CAMKMT: variants seen among roughly 807,000 people sequenced by gnomAD.
CAMKMT encodes the protein CaM KMT.
CAMKMT carries 53 observed loss-of-function variants against 48.0 expected under a neutral mutation model. The ratio of observed to expected loss-of-function variants is 1.10; its 90% CI spans 0.89 to 1.39. CAMKMT has a LOEUF of 1.39. Among genes scored for constraint, CAMKMT ranks in the 40% most tolerant of loss-of-function variants. The probability of loss-of-function intolerance (pLI) is 0.00; values close to 1 mark genes in which losing one functional copy is unlikely to be tolerated. For missense variants in CAMKMT, 428 were observed against 402.7 expected (o/e 1.06, Z -0.54); for synonymous variants, 165 against 152.3 (o/e 1.08, Z -0.61).
chr2:44,480,551 T>C (rs922240572), intron 3 of CAMKMT, among the ~76,000 whole-genome samples: 1 of 152,198 alleles, frequency 6.6e-6, no homozygotes, highest in Non-Finnish European at 1.5e-5. Context: ...TTGCTCAAAT[T>C]AATTATCCAG....
intron 3 of CAMKMT, among the ~76,000 whole-genome samples, chr2:44,437,950 GT>G (rs944048772): frequency 6.7e-6 from 1 of 150,190 alleles, no homozygotes; most frequent in African/African-American, 2.4e-5. Context: ...AGTAATGTGT[GT>G]TTTTTTTTCC....
intron 3 of CAMKMT, among the ~76,000 whole-genome samples, chr2:44,631,200 G>A (rs1396331049): frequency 6.6e-6 from 1 of 152,084 alleles, no homozygotes; most frequent in Non-Finnish European, 1.5e-5. Flanking sequence ...TGAACAGTGA[G>A]ACCACATGGA....
intron 3 of CAMKMT, among the ~76,000 whole-genome samples, chr2:44,662,550 A>G (rs935121334): frequency 3.0e-4 from 45 of 152,156 alleles, no homozygotes; most frequent in African/African-American, 1.0e-3. Flanking sequence ...TTCACAAGAA[A>G]GTGTTCTTTT....
At chr2:44,457,199 C>G (rs1314867723) in intron 3 of CAMKMT, 1 of 152,082 alleles carries the variant, frequency 6.6e-6, no homozygotes, top group Admixed American at 6.5e-5. Context: ...CTTTTGTATT[C>G]TTCCAGAGTT....
At chr2:44,739,904 G>A (rs1173038894) in intron 7 of CAMKMT, among the ~76,000 whole-genome samples, 3 of 152,142 alleles carry the variant, frequency 2.0e-5, no homozygotes, top group Admixed American at 6.5e-5. Context: ...AGAGAGAAAA[G>A]AACTGATATA....
intron 4 of CAMKMT, 34 bp downstream of exon 4, chr2:44,704,377 A>G: frequency 7.1e-7 from 1 of 1,412,720 alleles, no homozygotes; most frequent in East Asian, 2.4e-5. Flanking sequence ...TTTTTAGCCC[A>G]TCACGGATAT....
intron 2 of CAMKMT, among the ~76,000 whole-genome samples, chr2:44,381,476 G>A (rs1409789211): frequency 6.6e-6 from 1 of 152,144 alleles, no homozygotes; most frequent in African/African-American, 2.4e-5. Flanking sequence ...TTTTAGCAAT[G>A]TATCTTAAGT....
At chr2:44,499,822 C>T (rs538058522) in intron 3 of CAMKMT, among the ~76,000 whole-genome samples, 1 of 152,266 alleles carries the variant, frequency 6.6e-6, no homozygotes, top group African/African-American at 2.4e-5. Context: ...TGAGTAAAAT[C>T]TGTTTTGTGA....
intron 3 of CAMKMT, among the ~76,000 whole-genome samples, chr2:44,513,927 C>A (rs577552531): frequency 6.6e-6 from 1 of 151,872 alleles, no homozygotes; most frequent in African/African-American, 2.4e-5. Context: ...ATGATGAAAC[C>A]CCGTCTCTAC....
chr2:44,529,668 A>G (rs1666362191), intron 3 of CAMKMT, among the ~76,000 whole-genome samples: 1 of 152,166 alleles, frequency 6.6e-6, no homozygotes, highest in African/African-American at 2.4e-5. Flanking sequence ...TTCAGCTCTG[A>G]CCACAGGAGA....
chr2:44,678,854 ACT>A (rs1434573368), intron 3 of CAMKMT, among the ~76,000 whole-genome samples: 5 of 152,060 alleles, frequency 3.3e-5, no homozygotes, highest in Non-Finnish European at 1.5e-5. Flanking sequence ...AAAATGGCAG[ACT>A]CTGCTACTCA....
intron 4 of CAMKMT, among the ~76,000 whole-genome samples, chr2:44,704,951 A>C (rs1677470854): frequency 6.6e-6 from 1 of 152,094 alleles, no homozygotes; most frequent in South Asian, 2.1e-4. Context: ...AAAAAAAAAA[A>C]ACTTTATTTG....
intron 1 of CAMKMT, 67 bp from the exon 2 acceptor site, chr2:44,372,649 C>G: frequency 1.4e-6 from 2 of 1,453,824 alleles, no homozygotes; most frequent in Non-Finnish European, 1.9e-6. Flanking sequence ...AAATTTTGAA[C>G]ATTTTGAACA....
chr2:44,593,846 C>G (rs1670475912), intron 3 of CAMKMT, among the ~76,000 whole-genome samples: 1 of 150,872 alleles, frequency 6.6e-6, no homozygotes, highest in Non-Finnish European at 1.5e-5. Context: ...TCACCACAAC[C>G]TCTGCCTCCC....
chr2:44,627,837 C>T (rs577261519), intron 3 of CAMKMT, among the ~76,000 whole-genome samples: 315 of 148,906 alleles, frequency 2.1e-3, no homozygotes, highest in African/African-American at 7.3e-3. Flanking sequence ...GTAGCTGGGA[C>T]TACATATGCG....
rs540590432 is a variant in CAMKMT at position 44,546,326 on chromosome 2, A to G, written c.376+156021A>G. ...TGTCCTGGAAATTCCAACTTTTAGC[A>G]TTTTCTTCAGTGGTCACTTGTGTGA... On this transcript the variant is annotated intron_variant, in intron 3 of 10. Coordinates refer to ENST00000378494, the MANE Select transcript of CAMKMT (RefSeq NM_024766.5). 2.0e-5 allele frequency among the ~76,000 whole-genome samples: 3 copies of G among 152,164 alleles called. No individual in the cohort carries two copies. In the East Asian group the frequency reaches 5.8e-4, roughly 29 times the overall value.
At chr2:44,651,426 G>A (rs999217563) in intron 3 of CAMKMT, among the ~76,000 whole-genome samples, 4 of 152,316 alleles carry the variant, frequency 2.6e-5, no homozygotes, top group Admixed American at 1.3e-4. Flanking sequence ...GCATATGCCT[G>A]TAATCCCAGC....
At chr2:44,515,089 G>A (rs1670769938) in intron 3 of CAMKMT, among the ~76,000 whole-genome samples, 1 of 152,194 alleles carries the variant, frequency 6.6e-6, no homozygotes, top group South Asian at 2.1e-4. Context: ...TAACTCTAAG[G>A]GGTGGGAGAA....
At chr2:44,422,097 G>A (rs1369989515) in intron 3 of CAMKMT, among the ~76,000 whole-genome samples, 2 of 152,162 alleles carry the variant, frequency 1.3e-5, no homozygotes, top group African/African-American at 2.4e-5. Context: ...CCTGGTGGGA[G>A]GTGTTTGAGT....
Sources: gnomAD v4.1 joint callset for allele counts (sites outside exome capture counted in the v4.1 genomes callset) on GRCh38, gnomAD v4.1.1 for gene constraint, MANE v1.5 for transcripts, NCBI Gene and HGNC (gene_info 2026-07-23, HGNC 2026-07-21) for gene names.